SCAMP4: variants seen among roughly 807,000 people sequenced by gnomAD.
SCAMP4 encodes the protein secretory carrier-associated membrane protein 4.
SCAMP4 carries 19 observed loss-of-function variants against 32.1 expected under a neutral mutation model. The observed-to-expected ratio is 0.59, with a 90% confidence interval of 0.41 to 0.87. SCAMP4 has a LOEUF of 0.87. Ranked by LOEUF, SCAMP4 falls within the 40% of genes least tolerant of loss-of-function variation. The pLI is 0.00. For missense variants in SCAMP4, 302 were observed against 309.0 expected (o/e 0.98, Z 0.17); for synonymous variants, 152 against 132.7 (o/e 1.15, Z -1.00).
chr19:1,912,617 G>C, intron 1 of SCAMP4: 1 of 1,465,318 alleles, frequency 6.8e-7, no homozygotes, highest in Non-Finnish European at 9.0e-7. Flanking sequence ...CCGCCATGCA[G>C]AGCCACATGG....
In SCAMP4 at chr19:1,920,731, C is replaced by T. The variant is rs1568773666; in HGVS notation, c.395+1741C>T. 3.0e-6 allele frequency: 3 copies of T among 985,470 alleles called. No homozygotes were observed. In the African/African-American group the frequency reaches 5.2e-5, roughly 17 times the overall value. The allele number at this position is 985,470 out of a possible 1,614,324, so 61.0% of individuals were successfully genotyped here. ...AGCTGCCAGCTCGGCTCCCACTGGC[C>T]CTTCCCTGGGCTCCAGTGCCTCCTG... On this transcript the variant is annotated intron_variant, in intron 5 of 6. Transcript: ENST00000316097.
chr19:1,914,623 T>C, intron 1 of SCAMP4: 1 of 347,998 alleles, frequency 2.9e-6, no homozygotes, highest in Non-Finnish European at 5.5e-6. Context: ...GATGGGGTCT[T>C]AGGCCCTGCA....
intron 5 of SCAMP4, chr19:1,922,576 T>C (rs1278856591): frequency 2.0e-6 from 2 of 985,404 alleles, no homozygotes; most frequent in Non-Finnish European, 2.4e-6. Flanking sequence ...CACCGGGTGA[T>C]GGTGGCAGAT....
chr19:1,917,885 G>GCATTCAGGCAGGGGCAGCC, intron 3 of SCAMP4, 63 bp downstream of exon 3: 1 of 1,600,176 alleles, frequency 6.2e-7, no homozygotes, highest in Non-Finnish European at 8.5e-7. Flanking sequence ...GGAGGGAGTG[G>GCATTCAGGCAGGGGCAGCC]CATTCAGGCA....
chr19:1,923,084 C>G lies in SCAMP4; in HGVS notation c.410C>G (p.Ala137Gly), dbSNP rs1252071956. 1 of 1,549,930 alleles carries G rather than the reference C, an allele frequency of 6.5e-7. No homozygotes were observed. Among genetic ancestry groups the G allele is most frequent in the African/African-American group, 1.4e-5 (1 of 73,014 alleles). The change falls in exon 6 of 7, where the codon GCA becomes GGA. Residue 137 changes from alanine to glycine, a missense_variant. Coordinates refer to ENST00000316097, the MANE Select transcript of SCAMP4 (RefSeq NM_079834.4). ...SGWGACGWLS[A>G]IGFFQYSPGA... ...GTCCCTTGCAGCGGCTGGCTGTCGG[C>G]AATTGGATTCTTCCAGTACAGCCCG...
chr19:1,912,978 G>C, intron 1 of SCAMP4: 1 of 1,609,788 alleles, frequency 6.2e-7, no homozygotes, highest in Non-Finnish European at 8.5e-7. Context: ...CGCCATGTGC[G>C]CCATGGCCCT....
At chr19:1,907,406 G>C (rs56079725) in intron 1 of SCAMP4, among the ~76,000 whole-genome samples, 28 of 130,710 alleles carry the variant, frequency 2.1e-4, no homozygotes, top group African/African-American at 8.9e-4. Flanking sequence ...AAAAAAAAAA[G>C]GTAGAGCAGG....
rs1028940582 is a variant in SCAMP4 at position 1,923,206 on chromosome 19, G to A, written c.513+19G>A. The A allele has an allele frequency of 1.9e-6, 3 of 1,540,118 alleles. No homozygotes were observed. Among genetic ancestry groups the A allele is most frequent in the African/African-American group, 2.7e-5 (2 of 72,798 alleles). Reference sequence around the variant, plus strand: ...CATGAAGGTGAGTCCTCGGCTTTGTGACGTCCAGCCCTTACCCCTTCTCCA... The same window carrying A: ...CATGAAGGTGAGTCCTCGGCTTTGTAACGTCCAGCCCTTACCCCTTCTCCA... On this transcript the variant is annotated intron_variant, in intron 6 of 6. Transcript: ENST00000316097.
At chr19:1,912,582 C>T (rs1213710953) in intron 1 of SCAMP4, 7 of 1,495,708 alleles carry the variant, frequency 4.7e-6, no homozygotes, top group Middle Eastern at 1.8e-4. Context: ...CCTGGCTGGG[C>T]GGCTCTTCTC....
chr19:1,916,771 C>T (rs550863325), intron 2 of SCAMP4, among the ~76,000 whole-genome samples: 6 of 152,208 alleles, frequency 3.9e-5, no homozygotes, highest in Non-Finnish European at 8.8e-5. Context: ...TTCTGTTGTT[C>T]TAAGCCTCCC....
At chr19:1,923,299 C>A in intron 6 of SCAMP4, 112 bp downstream of exon 6, 1 of 881,756 alleles carries the variant, frequency 1.1e-6, no homozygotes, top group Non-Finnish European at 1.7e-6. Context: ...CCCACGGTGT[C>A]ACGCAGGCCG....
chr19:1,919,294 CCT>C (rs1389416055), intron 5 of SCAMP4: 8 of 1,226,782 alleles, frequency 6.5e-6, no homozygotes, highest in Non-Finnish European at 8.2e-6. Context: ...TGATCACACC[CCT>C]GACCCGGGGT....
rs1290389189 is a variant in SCAMP4, at chr19:1,915,004, G to A, written c.-16G>A. 6.2e-7 allele frequency: 1 copy of A among 1,613,768 alleles called. No individual in the cohort carries two copies. Among genetic ancestry groups the A allele is most frequent in the Non-Finnish European group, 8.5e-7 (1 of 1,179,842 alleles). On this transcript the variant is annotated 5_prime_UTR_variant, in exon 2 of 7. Transcript: ENST00000316097. ...GCGGCTGCAGGCTTCAGCCTGCGCT[G>A]GTTGGTGAAACAGAGATGTCAGGTG...
At chr19:1,917,464 T>C (rs1440592977) in intron 2 of SCAMP4, among the ~76,000 whole-genome samples, 1 of 152,132 alleles carries the variant, frequency 6.6e-6, no homozygotes, top group East Asian at 1.9e-4. Flanking sequence ...TTTCTCCCCC[T>C]TCACAGCCTC....
intron 1 of SCAMP4, among the ~76,000 whole-genome samples, chr19:1,910,272 G>A (rs909698768): frequency 8.5e-5 from 13 of 152,218 alleles, no homozygotes; most frequent in South Asian, 6.2e-4. Flanking sequence ...AGGCGTTGGC[G>A]GAATTCAGCA....
intron 1 of SCAMP4, 46 bp from the exon 2 acceptor site, chr19:1,914,933 C>T (rs748092308): frequency 1.3e-6 from 2 of 1,535,270 alleles, no homozygotes. Flanking sequence ...TAGCGCTCTG[C>T]CCAGGGCAGC....
chr19:1,921,622 C>T (rs751259634), intron 5 of SCAMP4: 31 of 985,318 alleles, frequency 3.1e-5, no homozygotes, highest in South Asian at 9.4e-5. Flanking sequence ...CAGGAGTCCT[C>T]AAATGCCTTT....
At chr19:1,921,574 G>T (rs1599256136) in intron 5 of SCAMP4, 1 of 985,456 alleles carries the variant, frequency 1.0e-6, no homozygotes, top group Non-Finnish European at 1.2e-6. Context: ...ATGCGGGGGC[G>T]TGCGATGCTG....
Position 1,924,792 on chromosome 19 carries a change from AGAGGGCTTGGTGCCTAGCT to A in SCAMP4, c.*512_*530del. The stretch of plus-strand genomic sequence containing the variant: ...CCAGCTTCCGGTCCCCTGCAGTGAT[AGAGGGCTTGGTGCCTAGCT>A]GAGTCCTCGCTGTCCCCGCCATCCC... On this transcript the variant is annotated 3_prime_UTR_variant, in exon 7 of 7. Transcript: ENST00000316097. 1 of 184,046 alleles carries A rather than the reference AGAGGGCTTGGTGCCTAGCT, an allele frequency of 5.4e-6. No homozygotes were observed. Among genetic ancestry groups the A allele is most frequent in the Non-Finnish European group, 1.2e-5 (1 of 84,936 alleles). 11.4% of individuals were successfully genotyped at this position (184,046 alleles called of 1,614,324 possible). A position where few individuals can be genotyped will look rare whatever the true frequency, so the allele number is the denominator to read the frequency against.
Sources: allele counts gnomAD v4.1 joint callset (sites outside exome capture counted in the v4.1 genomes callset), GRCh38; gene constraint gnomAD v4.1.1; transcripts MANE v1.5; gene names NCBI Gene and HGNC (gene_info 2026-07-23, HGNC 2026-07-21).